Variants in HMGA2 observed in about 807,000 individuals in gnomAD.
HMGA2 encodes high mobility group AT-hook 2, also known as high mobility group protein HMGI-C.
Under a neutral mutation model 19.1 loss-of-function variants are expected in HMGA2, and 8 were observed. That is an observed-to-expected ratio of 0.42 (90% confidence interval 0.25 to 0.76). The LOEUF is 0.76. Ranked by LOEUF, HMGA2 falls within the 30% of genes least tolerant of loss-of-function variation. The pLI, the probability that HMGA2 is intolerant of heterozygous loss-of-function variation, is 0.28. For synonymous variants in HMGA2, 60 were observed against 48.8 expected (o/e 1.23, Z -0.96); for missense variants, 109 against 136.3 (o/e 0.80, Z 1.00).
At chr12:65,889,491 G>A (rs1397713526) in intron 3 of HMGA2, among the ~76,000 whole-genome samples, 1 of 152,100 alleles carries the variant, frequency 6.6e-6, no homozygotes, top group Non-Finnish European at 1.5e-5. Flanking sequence ...TTTTTAAAAA[G>A]TGAATATTCT....
chr12:65,865,637 T>C (rs941703319), intron 3 of HMGA2, among the ~76,000 whole-genome samples: 10 of 146,324 alleles, frequency 6.8e-5, no homozygotes, highest in Non-Finnish European at 9.1e-5. Context: ...ATTTTTCTTT[T>C]TTTTTTTTTT....
At chr12:65,902,222 A>C (rs1214497778) in intron 3 of HMGA2, among the ~76,000 whole-genome samples, 3 of 151,944 alleles carry the variant, frequency 2.0e-5, no homozygotes, top group African/African-American at 7.2e-5. Context: ...TTCTTAAGAG[A>C]ACTGACGTGA....
intron 3 of HMGA2, among the ~76,000 whole-genome samples, chr12:65,929,544 T>C (rs1875633089): frequency 6.6e-6 from 1 of 151,438 alleles, no homozygotes; most frequent in African/African-American, 2.4e-5. Flanking sequence ...AAGGGAGTGT[T>C]TAGATTGCAG....
intron 3 of HMGA2, among the ~76,000 whole-genome samples, chr12:65,906,853 A>G (rs1874614739): frequency 6.6e-6 from 1 of 152,216 alleles, no homozygotes; most frequent in Non-Finnish European, 1.5e-5. Context: ...CCATGCTTAT[A>G]AGATATTACA....
chr12:65,842,520 G>A, intron 3 of HMGA2: 1 of 1,181,938 alleles, frequency 8.5e-7, no homozygotes, highest in Non-Finnish European at 1.2e-6. Flanking sequence ...TATTTATGCT[G>A]AATATTAATC....
chr12:65,912,102 G>A (rs1874871532), intron 3 of HMGA2, among the ~76,000 whole-genome samples: 1 of 152,082 alleles, frequency 6.6e-6, no homozygotes, highest in Non-Finnish European at 1.5e-5. Context: ...TTCTGTTTAT[G>A]TTCTCTTTAC....
chr12:65,864,789 G>T (rs1299317753), intron 3 of HMGA2, among the ~76,000 whole-genome samples: 2 of 152,102 alleles, frequency 1.3e-5, no homozygotes, highest in East Asian at 3.9e-4. Flanking sequence ...ACATTTTTTA[G>T]ATTATTTAAC....
In HMGA2 at chr12:65,963,424, G is replaced by C. The variant is rs1372836563; in HGVS notation, c.*132G>C. 2 of 422,742 alleles carry C rather than the reference G, an allele frequency of 4.7e-6. No individual in the cohort carries two copies. The highest frequency in any genetic ancestry group is 4.3e-6 in the Non-Finnish European group (1 of 233,312). The allele number at this position is 422,742 out of a possible 1,614,324, so 26.2% of individuals were successfully genotyped here. ...TCTGGGGTGGGGTGGGGTGGGGTGG[G>C]GGAGGGGGGGGTGGGGTGGGGAGAA... is the stretch of plus-strand genomic sequence containing the variant. On this transcript the variant is annotated 3_prime_UTR_variant, in exon 5 of 5. Transcript: ENST00000403681.
intron 4 of HMGA2, chr12:65,954,799 A>G (rs1876559165): frequency 6.6e-6 from 1 of 152,232 alleles, no homozygotes; most frequent in Admixed American, 6.5e-5. Context: ...TGTAATATGT[A>G]CGTTAACTTT....
chr12:65,867,972 AGT>A (rs1872515830), intron 3 of HMGA2, among the ~76,000 whole-genome samples: 1 of 152,208 alleles, frequency 6.6e-6, no homozygotes, highest in Admixed American at 6.5e-5. Context: ...CACAGCACAA[AGT>A]GAAAACAGAT....
At chr12:65,931,669 A>G (rs1049366562) in intron 3 of HMGA2, among the ~76,000 whole-genome samples, 5 of 152,094 alleles carry the variant, frequency 3.3e-5, no homozygotes, top group African/African-American at 1.2e-4. Flanking sequence ...TTAGGCATCT[A>G]TGTCCCTTTC....
chr12:65,867,599 C>G, intron 3 of HMGA2: 1 of 378,366 alleles, frequency 2.6e-6, no homozygotes, highest in Non-Finnish European at 5.5e-6. Flanking sequence ...AACTGAAGAA[C>G]ACTTCTGCCA....
chr12:65,902,312 C>A (rs1874406864), intron 3 of HMGA2, among the ~76,000 whole-genome samples: 1 of 152,106 alleles, frequency 6.6e-6, no homozygotes, highest in South Asian at 2.1e-4. Flanking sequence ...CTGTTATGTG[C>A]TACATTCTAT....
rs941370423 is a variant in HMGA2, at chr12:65,850,532, T to TA, written c.249+11972dup. On this transcript the variant is annotated intron_variant, in intron 3 of 4. Transcript: ENST00000403681. ...AGACCGAATTTTTTTTTTTTTTTAC[T>TA]AAAAAAAAAGACTTTTCTGCTGGGA... Among the ~76,000 whole-genome samples the TA allele has an allele frequency of 4.0e-5, 6 of 149,698 alleles. No homozygotes were observed. In the South Asian group the frequency reaches 6.4e-4, roughly 16 times the overall value.
At position 65,937,284 on chromosome 12, in the gene HMGA2, C is replaced by G. The variant is rs144860623; in HGVS notation, c.250-14099C>G. Among the ~76,000 whole-genome samples the G allele has an allele frequency of 1.3e-3, 205 of 152,250 alleles. 1 individual carries two copies. The highest frequency in any genetic ancestry group is 4.8e-3 in the African/African-American group (198 of 41,554). Reference sequence around the variant, plus strand: ...CTGCAGAGAGACAAGCATCTCATTTCAATAGACAACTTGTTCCTAGAGTGG... The same window carrying G: ...CTGCAGAGAGACAAGCATCTCATTTGAATAGACAACTTGTTCCTAGAGTGG... On this transcript the variant is annotated intron_variant, in intron 3 of 4. Transcript: ENST00000403681.
chr12:65,842,705 T>C (rs7342390), intron 3 of HMGA2: 1 of 1,500,600 alleles, frequency 6.7e-7, no homozygotes, highest in African/African-American at 1.4e-5. Flanking sequence ...AAGATGTACA[T>C]ACAGAGATGT....
chr12:65,885,613 T>C (rs1272573717), intron 3 of HMGA2, among the ~76,000 whole-genome samples: 1 of 152,140 alleles, frequency 6.6e-6, no homozygotes, highest in African/African-American at 2.4e-5. Context: ...TGGGAACAAA[T>C]AACATGTTGG....
At chr12:65,896,650 C>G (rs1013088121) in intron 3 of HMGA2, among the ~76,000 whole-genome samples, 1 of 152,156 alleles carries the variant, frequency 6.6e-6, no homozygotes, top group Non-Finnish European at 1.5e-5. Context: ...TGCTGCTACT[C>G]GTAAGTCAAT....
At chr12:65,957,558 T>G (rs917937971) in intron 4 of HMGA2, 1 of 152,228 alleles carries the variant, frequency 6.6e-6, no homozygotes, top group African/African-American at 2.4e-5. Context: ...TTTTTTTAAA[T>G]GCAGTGTTCC....
Sources: allele counts gnomAD v4.1 joint callset (sites outside exome capture counted in the v4.1 genomes callset), GRCh38; gene constraint gnomAD v4.1.1; transcripts MANE v1.5; gene names NCBI Gene and HGNC (gene_info 2026-07-23, HGNC 2026-07-21).